The following GBE1 variants were observed in gnomAD, a reference collection of about 807,000 sequenced individuals.
GBE1 encodes the protein 1,4-alpha-glucan branching enzyme 1.
A neutral mutation model predicts 88.8 loss-of-function variants in GBE1; 70 were observed. The observed-to-expected ratio is 0.79, with a 90% CI of 0.65 to 0.96. The LOEUF is 0.96. GBE1 is among the 40% of genes least tolerant of loss of function. The pLI, the probability that GBE1 is intolerant of heterozygous loss-of-function variation, is 0.00. For synonymous variants in GBE1, 284 were observed against 300.1 expected, an observed-to-expected ratio of 0.95 and a Z score of 0.56; for missense variants, 872 against 871.0, an observed-to-expected ratio of 1.00 and a Z score of -0.01.
At chr3:81,507,043 C>A (rs1292854246) in intron 14 of GBE1, among the ~76,000 whole-genome samples, 2 of 151,966 alleles carry the variant, frequency 1.3e-5, no homozygotes, top group Non-Finnish European at 2.9e-5. Context: ...TATGACAAAC[C>A]TGCACTTGTA....
At chr3:81,618,349 G>A (rs1274231394) in intron 7 of GBE1, among the ~76,000 whole-genome samples, 1 of 152,018 alleles carries the variant, frequency 6.6e-6, no homozygotes, top group African/African-American at 2.4e-5. Flanking sequence ...ATAATTCAAT[G>A]ATCATTCTCT....
At chr3:81,545,128 CT>C (rs1703189989) in intron 12 of GBE1, among the ~76,000 whole-genome samples, 1 of 152,090 alleles carries the variant, frequency 6.6e-6, no homozygotes, top group African/African-American at 2.4e-5. Context: ...AAATGAAATT[CT>C]TTGGCTTTTC....
chr3:81,658,076 A>G (rs1704967962), intron 3 of GBE1, among the ~76,000 whole-genome samples: 1 of 152,140 alleles, frequency 6.6e-6, no homozygotes, highest in African/African-American at 2.4e-5. Context: ...CCATTATTTT[A>G]GATTTCTTAT....
intron 14 of GBE1, among the ~76,000 whole-genome samples, chr3:81,525,856 T>G (rs1041692436): frequency 1.3e-5 from 2 of 152,106 alleles, no homozygotes; most frequent in Non-Finnish European, 2.9e-5. Context: ...GTAGTTTGTA[T>G]TTCTGGGGGT....
At chr3:81,583,165 A>C (rs1447566441) in intron 10 of GBE1, among the ~76,000 whole-genome samples, 1 of 152,104 alleles carries the variant, frequency 6.6e-6, no homozygotes, top group Non-Finnish European at 1.5e-5. Context: ...TAAAACCACA[A>C]TGAGATGTCA....
chr3:81,493,351 C>T (rs908769761), intron 15 of GBE1, among the ~76,000 whole-genome samples: 1 of 151,892 alleles, frequency 6.6e-6, no homozygotes, highest in Non-Finnish European at 1.5e-5. Flanking sequence ...TCTGTTAGTG[C>T]GTGTTATAGT....
At chr3:81,727,159 C>A (rs916731006) in intron 1 of GBE1, among the ~76,000 whole-genome samples, 43 of 152,154 alleles carry the variant, frequency 2.8e-4, no homozygotes, top group Non-Finnish European at 1.9e-4. Flanking sequence ...TATGAAAATG[C>A]AAACATGCTT....
At chr3:81,579,702 T>C (rs569856989) in intron 11 of GBE1, among the ~76,000 whole-genome samples, 84 of 152,156 alleles carry the variant, frequency 5.5e-4, no homozygotes, top group African/African-American at 1.9e-3. Flanking sequence ...ATTATTCTTT[T>C]CTAGATTGGG....
intron 12 of GBE1, among the ~76,000 whole-genome samples, chr3:81,551,921 G>A (rs950507584): frequency 6.6e-6 from 1 of 152,170 alleles, no homozygotes; most frequent in Admixed American, 6.5e-5. Context: ...GAGCTGAAAG[G>A]GGCCAGGAAT....
chr3:81,743,832 G>A (rs1319720407), intron 1 of GBE1, among the ~76,000 whole-genome samples: 2 of 152,042 alleles, frequency 1.3e-5, no homozygotes, highest in Non-Finnish European at 1.5e-5. Context: ...AAAGGTCAAC[G>A]TGGACTAGCC....
intron 2 of GBE1, among the ~76,000 whole-genome samples, chr3:81,671,790 A>C (rs1705194672): frequency 6.6e-6 from 1 of 152,104 alleles, no homozygotes; most frequent in Non-Finnish European, 1.5e-5. Flanking sequence ...TTAAAACTAT[A>C]AAACTTTTAA....
intron 3 of GBE1, chr3:81,655,002 C>G (rs1454137847): frequency 6.6e-6 from 1 of 152,130 alleles, no homozygotes; most frequent in African/African-American, 2.4e-5. Flanking sequence ...TCTGGAAGTT[C>G]TGGAAGAAAC....
At chr3:81,493,565 T>G (rs1173334127) in intron 15 of GBE1, among the ~76,000 whole-genome samples, 1 of 151,394 alleles carries the variant, frequency 6.6e-6, no homozygotes, top group Non-Finnish European at 1.5e-5. Context: ...GGAGTTTCGC[T>G]CTTGTTACCC....
intron 2 of GBE1, among the ~76,000 whole-genome samples, chr3:81,685,083 C>T (rs1242376031): frequency 6.6e-6 from 1 of 152,188 alleles, no homozygotes; most frequent in African/African-American, 2.4e-5. Flanking sequence ...CAGAGAGACA[C>T]ATAGAGTAAG....
chr3:81,608,107 GA>G (rs1295408447), intron 7 of GBE1, among the ~76,000 whole-genome samples: 1 of 152,176 alleles, frequency 6.6e-6, no homozygotes, highest in Non-Finnish European at 1.5e-5. Flanking sequence ...CACTGAAACT[GA>G]TGTTCTCTTT....
intron 7 of GBE1, among the ~76,000 whole-genome samples, chr3:81,601,554 C>G (rs1010603729): frequency 6.6e-6 from 1 of 152,264 alleles, no homozygotes; most frequent in East Asian, 1.9e-4. Flanking sequence ...AAGATAATTT[C>G]TGCACCCTCC....
intron 1 of GBE1, among the ~76,000 whole-genome samples, chr3:81,747,198 C>T (rs1706429252): frequency 6.6e-6 from 1 of 151,784 alleles, no homozygotes; most frequent in Non-Finnish European, 1.5e-5. Flanking sequence ...TTAGATATGG[C>T]AACAAAAGCA....
Position 81,609,044 on chromosome 3 carries a change from T to G in GBE1, c.993-15021A>C, listed in dbSNP as rs76560882. On this transcript the variant is annotated intron_variant, in intron 7 of 15. Coordinates refer to ENST00000429644, the MANE Select transcript of GBE1 (RefSeq NM_000158.4). ...ACGAATGGAGACACTAAAGGAAGAG[T>G]AGAGTTATTTTTAACAAGGTCTGTT... 2.4e-3 allele frequency among the ~76,000 whole-genome samples: 361 copies of G among 151,516 alleles called. 2 individuals are homozygous for G. The highest frequency in any genetic ancestry group is 8.5e-3 in the African/African-American group (350 of 41,268).
intron 7 of GBE1, among the ~76,000 whole-genome samples, chr3:81,639,264 T>C (rs1016062102): frequency 1.3e-5 from 2 of 152,106 alleles, no homozygotes; most frequent in African/African-American, 2.4e-5. Flanking sequence ...TTTTCAAATA[T>C]AGTTTTTTTA....
Sources: allele counts gnomAD v4.1 joint callset (sites outside exome capture counted in the v4.1 genomes callset), GRCh38; gene constraint gnomAD v4.1.1; transcripts MANE v1.5; gene names NCBI Gene and HGNC (gene_info 2026-07-23, HGNC 2026-07-21).